Variants in CLVS1 observed in about 807,000 individuals in gnomAD.
CLVS1 encodes the protein clavesin 1.
A neutral mutation model predicts 33.1 loss-of-function variants in CLVS1; 10 were observed. The observed-to-expected ratio is 0.30, with a 90% CI of 0.19 to 0.51. The LOEUF (loss-of-function observed/expected upper bound fraction) is 0.51. Ranked by LOEUF, CLVS1 falls within the 20% of genes least tolerant of loss-of-function variation. CLVS1 has a pLI of 0.97. For missense variants in CLVS1, 343 were observed against 433.4 expected, an observed-to-expected ratio of 0.79 and a Z score of 1.85; for synonymous variants, 163 against 166.1, an observed-to-expected ratio of 0.98 and a Z score of 0.14.
At chr8:60,992,971 C>T in the CLVS1 span, among the ~76,000 whole-genome samples, 2 of 152,186 alleles carry the variant, frequency 1.3e-5, no homozygotes, top group South Asian at 4.1e-4. Context: ...GCAGGTCATT[C>T]GTTTCCTTGA....
At chr8:60,984,474 TC>T in the CLVS1 span, among the ~76,000 whole-genome samples, 3 of 151,956 alleles carry the variant, frequency 2.0e-5, no homozygotes, top group Non-Finnish European at 4.4e-5. Flanking sequence ...ATTACAGGCG[TC>T]CGCCACCATG....
intron 3 of CLVS1, among the ~76,000 whole-genome samples, chr8:61,385,342 T>C (rs1168234821): frequency 1.3e-5 from 2 of 152,192 alleles, no homozygotes; most frequent in Non-Finnish European, 2.9e-5. Flanking sequence ...GAATACACTA[T>C]GTAATATATT....
intron 2 of CLVS1, among the ~76,000 whole-genome samples, chr8:61,212,274 G>A (rs986079053): frequency 1.3e-5 from 2 of 152,194 alleles, no homozygotes; most frequent in African/African-American, 2.4e-5. Flanking sequence ...GTCTGAACAG[G>A]GTTCAGAAGG....
chr8:61,399,608 C>T (rs981433546), intron 3 of CLVS1, among the ~76,000 whole-genome samples: 1 of 152,180 alleles, frequency 6.6e-6, no homozygotes, highest in South Asian at 2.1e-4. Flanking sequence ...AAATCTTTGC[C>T]TGTGCCTATG....
chr8:61,402,691 G>T (rs2129603616), intron 3 of CLVS1, among the ~76,000 whole-genome samples: 1 of 152,324 alleles, frequency 6.6e-6, no homozygotes, highest in East Asian at 1.9e-4. Context: ...AGTATATAAT[G>T]TTGAATGATT....
intron 3 of CLVS1, among the ~76,000 whole-genome samples, chr8:61,422,948 G>C (rs182726581): frequency 6.8e-6 from 1 of 147,946 alleles, no homozygotes; most frequent in Non-Finnish European, 1.5e-5. Context: ...ACTGTGCTCC[G>C]GGTGGGAAAT....
In CLVS1 at chr8:61,318,043, C is replaced by T. The variant is rs79661177; in HGVS notation, c.455+17761C>T. Among the ~76,000 whole-genome samples, 1,413 of 152,282 alleles carry T rather than the reference C, an allele frequency of 9.3e-3. 15 individuals carry two copies. The highest frequency in any genetic ancestry group is 0.015 in the Non-Finnish European group (990 of 68,006). On this transcript the variant is annotated intron_variant, in intron 2 of 5. Coordinates refer to ENST00000325897, the MANE Select transcript of CLVS1 (RefSeq NM_173519.3). The stretch of plus-strand genomic sequence containing the variant: ...GACTGTAGCTAGTAAACTCTCTTAA[C>T]AACCTGTGTATGCTTGAAAATGTCA...
intron 2 of CLVS1, among the ~76,000 whole-genome samples, chr8:61,355,826 G>A (rs1435140376): frequency 6.6e-6 from 1 of 152,074 alleles, no homozygotes; most frequent in East Asian, 1.9e-4. Flanking sequence ...TTGGACATTT[G>A]GGTTGGTTCC....
chr8:61,081,475 A>G (rs1463143997), intron 1 of CLVS1, among the ~76,000 whole-genome samples: 1 of 152,120 alleles, frequency 6.6e-6, no homozygotes, highest in African/African-American at 2.4e-5. Context: ...GGATGGCCCC[A>G]CCTCTGACTG....
chr8:61,261,975 C>T (rs374094060), intron 2 of CLVS1, among the ~76,000 whole-genome samples: 15 of 111,046 alleles, frequency 1.4e-4, no homozygotes, highest in South Asian at 4.6e-4. Flanking sequence ...CTCATTGCTG[C>T]GTGTGTGTGT....
chr8:61,135,606 C>T (rs1404793856), intron 2 of CLVS1, among the ~76,000 whole-genome samples: 3 of 152,192 alleles, frequency 2.0e-5, no homozygotes, highest in African/African-American at 7.2e-5. Context: ...GGTCAGATGA[C>T]ATCATGTGAG....
chr8:60,995,627 A>G, the CLVS1 span, among the ~76,000 whole-genome samples: 2 of 152,256 alleles, frequency 1.3e-5, no homozygotes, highest in African/African-American at 2.4e-5. Flanking sequence ...ATCTAGAACT[A>G]GAAATACCAT....
intron 1 of CLVS1, among the ~76,000 whole-genome samples, chr8:61,122,508 A>T (rs1418816097): frequency 1.3e-5 from 2 of 151,300 alleles, no homozygotes; most frequent in African/African-American, 4.9e-5. Context: ...ACCTTACTTT[A>T]TGCTGAATCC....
chr8:61,354,591 A>G (rs1334985543), intron 2 of CLVS1, among the ~76,000 whole-genome samples: 1 of 152,174 alleles, frequency 6.6e-6, no homozygotes, highest in Non-Finnish European at 1.5e-5. Flanking sequence ...ATGTCTAGCA[A>G]CAGGTAAAAT....
chr8:61,302,999 T>A (rs936577181), intron 2 of CLVS1, among the ~76,000 whole-genome samples: 5 of 152,140 alleles, frequency 3.3e-5, no homozygotes, highest in African/African-American at 1.2e-4. Context: ...ACCCCCTTGA[T>A]CCAATCACCT....
At chr8:61,143,988 T>C (rs1806365923) in intron 2 of CLVS1, among the ~76,000 whole-genome samples, 1 of 151,320 alleles carries the variant, frequency 6.6e-6, no homozygotes, top group Non-Finnish European at 1.5e-5. Context: ...CTAAACTAGA[T>C]GAGTTAAATT....
At chr8:60,974,700 A>G in the CLVS1 span, among the ~76,000 whole-genome samples, 8 of 151,406 alleles carry the variant, frequency 5.3e-5, no homozygotes, top group African/African-American at 1.7e-4. Context: ...AATGGCATGA[A>G]CCCGGGAGGC....
At chr8:61,089,069 T>C (rs1387282664) in intron 1 of CLVS1, among the ~76,000 whole-genome samples, 1 of 152,168 alleles carries the variant, frequency 6.6e-6, no homozygotes, top group South Asian at 2.1e-4. Context: ...CCCGAAGTGC[T>C]GGATTACAGG....
intron 5 of CLVS1, among the ~76,000 whole-genome samples, chr8:61,492,518 T>C (rs1178697459): frequency 6.6e-6 from 1 of 151,980 alleles, no homozygotes; most frequent in Non-Finnish European, 1.5e-5. Flanking sequence ...GTGCACATGT[T>C]TTTTTGGGGG....
Sources: allele counts gnomAD v4.1 joint callset (sites outside exome capture counted in the v4.1 genomes callset), GRCh38; gene constraint gnomAD v4.1.1; transcripts MANE v1.5; gene names NCBI Gene and HGNC (gene_info 2026-07-23, HGNC 2026-07-21).